The following NCKAP5 variants were observed in gnomAD, a reference collection of about 807,000 sequenced individuals.
NCKAP5 encodes the protein NCK associated protein 5.
In NCKAP5, 92 loss-of-function variants were observed where a neutral mutation model predicts 167.0. The ratio of observed to expected loss-of-function variants is 0.55; its 90% CI spans 0.47 to 0.66. The LOEUF is 0.66. Ranked by LOEUF, NCKAP5 falls within the 30% of genes least tolerant of loss-of-function variation. The pLI is 0.00. For missense variants in NCKAP5, 2,378 were observed against 2,315.0 expected, an observed-to-expected ratio of 1.03 and a Z score of -0.56; for synonymous variants, 891 against 877.4, an observed-to-expected ratio of 1.02 and a Z score of -0.27.
intron 6 of NCKAP5, among the ~76,000 whole-genome samples, chr2:133,096,365 T>C (rs543681507): frequency 1.4e-4 from 21 of 152,034 alleles, no homozygotes; most frequent in African/African-American, 4.8e-4. Context: ...GTGGTGCGCC[T>C]GTGTCCCAGC....
At chr2:133,557,386 T>C (rs1575155431) in intron 2 of NCKAP5, among the ~76,000 whole-genome samples, 1 of 152,238 alleles carries the variant, frequency 6.6e-6, no homozygotes, top group African/African-American at 2.4e-5. Flanking sequence ...TTGGCCACAT[T>C]CATATTCCTG....
At chr2:132,748,777 C>G (rs1487633000) in intron 16 of NCKAP5, among the ~76,000 whole-genome samples, 1 of 151,818 alleles carries the variant, frequency 6.6e-6, no homozygotes, top group Non-Finnish European at 1.5e-5. Flanking sequence ...CATTTAAAAC[C>G]AAGTCAGGAT....
At chr2:133,592,961 G>T in the NCKAP5 span, among the ~76,000 whole-genome samples, 9 of 152,298 alleles carry the variant, frequency 5.9e-5, no homozygotes, top group South Asian at 1.7e-3. Flanking sequence ...AAAGTATAAA[G>T]TTATCTTTGA....
intron 5 of NCKAP5, among the ~76,000 whole-genome samples, chr2:133,174,721 C>T (rs2084386953): frequency 6.6e-6 from 1 of 150,598 alleles, no homozygotes; most frequent in South Asian, 2.1e-4. Flanking sequence ...TTTTTCTCCC[C>T]CCTGCTCCAG....
intron 19 of NCKAP5, among the ~76,000 whole-genome samples, chr2:132,689,798 T>A (rs538403976): frequency 6.6e-6 from 1 of 152,172 alleles, no homozygotes; most frequent in Admixed American, 6.5e-5. Flanking sequence ...TATTTATACA[T>A]GGGAAATATT....
At chr2:133,392,822 G>A (rs907762117) in intron 3 of NCKAP5, among the ~76,000 whole-genome samples, 4 of 152,130 alleles carry the variant, frequency 2.6e-5, no homozygotes, top group African/African-American at 9.7e-5. Flanking sequence ...TCAGCATTGG[G>A]AGTATCTAGC....
the NCKAP5 span, among the ~76,000 whole-genome samples, chr2:133,638,309 T>C: frequency 6.6e-6 from 1 of 151,946 alleles, no homozygotes; most frequent in African/African-American, 2.4e-5. Context: ...AAAAATGAGA[T>C]AGAACTAAGA....
At chr2:133,249,562 T>G (rs140778628) in intron 4 of NCKAP5, among the ~76,000 whole-genome samples, 112 of 152,346 alleles carry the variant, frequency 7.4e-4, no homozygotes, top group Non-Finnish European at 1.4e-3. Context: ...TATCTCTGAT[T>G]GTTCTAGGTA....
intron 19 of NCKAP5, among the ~76,000 whole-genome samples, chr2:132,683,158 A>G (rs556647932): frequency 1.7e-4 from 26 of 152,156 alleles, no homozygotes; most frequent in Admixed American, 1.1e-3. Context: ...TGCTGGGATT[A>G]CAGGCGTGAA....
intron 11 of NCKAP5, among the ~76,000 whole-genome samples, chr2:132,859,173 A>G (rs2148707607): frequency 6.6e-6 from 1 of 152,340 alleles, no homozygotes; most frequent in Non-Finnish European, 1.5e-5. Flanking sequence ...CAAACATATA[A>G]GGCAGAGAGG....
chr2:132,810,019 A>G lies in NCKAP5; in HGVS notation c.808-13290T>C, dbSNP rs140464435. ...CTCAGCATTTGTTTGTCTGAAAAAGACTGTATCTTTCCTTCATATACGATT... is the reference window on the plus strand; with the variant it reads ...CTCAGCATTTGTTTGTCTGAAAAAGGCTGTATCTTTCCTTCATATACGATT... On this transcript the variant is annotated intron_variant, in intron 11 of 19. Coordinates refer to ENST00000409261, the MANE Select transcript of NCKAP5 (RefSeq NM_207363.3). Among the ~76,000 whole-genome samples, 214 of 152,300 alleles carry G rather than the reference A, an allele frequency of 1.4e-3. 1 individual carries two copies. The highest frequency in any genetic ancestry group is 4.9e-3 in the African/African-American group (203 of 41,562).
intron 4 of NCKAP5, among the ~76,000 whole-genome samples, chr2:133,277,010 G>C (rs1245139518): frequency 1.3e-5 from 2 of 152,092 alleles, no homozygotes; most frequent in Admixed American, 6.5e-5. Context: ...GATGAAAATA[G>C]GAATTGATGT....
Position 133,528,345 on chromosome 2 carries a change from A to T in NCKAP5, c.-61-10758T>A, listed in dbSNP as rs368760070. On this transcript the variant is annotated intron_variant, in intron 2 of 19. Transcript: ENST00000409261. ...GGGCCTTTTTTTTTTTCCCATGTGTAGGTTGTTTCTTTTTATTCAGGCTTT... is the reference window on the plus strand; with the variant it reads ...GGGCCTTTTTTTTTTTCCCATGTGTTGGTTGTTTCTTTTTATTCAGGCTTT... 8.3e-4 allele frequency among the ~76,000 whole-genome samples: 124 copies of T among 149,938 alleles called. 2 individuals are homozygous for T. The highest frequency in any genetic ancestry group is 2.9e-3 in the African/African-American group (117 of 40,792).
intron 3 of NCKAP5, among the ~76,000 whole-genome samples, chr2:133,352,948 G>A (rs191077239): frequency 5.3e-5 from 8 of 152,304 alleles, no homozygotes; most frequent in Admixed American, 4.6e-4. Flanking sequence ...ATTTAAAGTC[G>A]GCTGCTTCTC....
At chr2:133,364,405 A>T (rs1413674280) in intron 3 of NCKAP5, among the ~76,000 whole-genome samples, 1 of 152,200 alleles carries the variant, frequency 6.6e-6, no homozygotes, top group Non-Finnish European at 1.5e-5. Flanking sequence ...TTAGACTTCA[A>T]GAAAATTTGC....
chr2:132,822,584 A>G (rs536518718), intron 11 of NCKAP5, among the ~76,000 whole-genome samples: 1 of 152,112 alleles, frequency 6.6e-6, no homozygotes, highest in South Asian at 2.1e-4. Context: ...TGGCCTCTCC[A>G]TTGAATTAGT....
intron 3 of NCKAP5, among the ~76,000 whole-genome samples, chr2:133,419,233 A>G (rs1689315364): frequency 6.6e-6 from 1 of 152,328 alleles, no homozygotes; most frequent in South Asian, 2.1e-4. Flanking sequence ...TTATTTTCCA[A>G]ATAAGAAATA....
intron 15 of NCKAP5, among the ~76,000 whole-genome samples, chr2:132,778,690 CAG>C (rs1204069053): frequency 8.5e-5 from 13 of 152,150 alleles, no homozygotes; most frequent in Non-Finnish European, 1.8e-4. Flanking sequence ...AATAAGCAGA[CAG>C]TGAATTTACC....
chr2:133,377,062 T>A (rs549249175), intron 3 of NCKAP5, among the ~76,000 whole-genome samples: 1 of 152,166 alleles, frequency 6.6e-6, no homozygotes, highest in Non-Finnish European at 1.5e-5. Flanking sequence ...GAAACTAACA[T>A]ACAAAAAAAG....
Sources: allele counts gnomAD v4.1 joint callset (sites outside exome capture counted in the v4.1 genomes callset), GRCh38; gene constraint gnomAD v4.1.1; transcripts MANE v1.5; gene names NCBI Gene and HGNC (gene_info 2026-07-23, HGNC 2026-07-21).